LY86: variants seen among roughly 807,000 people sequenced by gnomAD.
The protein encoded by LY86 is lymphocyte antigen 86.
LY86 carries 20 observed loss-of-function variants against 17.3 expected under a neutral mutation model. The ratio of observed to expected loss-of-function variants is 1.15; its 90% CI spans 0.81 to 1.68. The LOEUF (loss-of-function observed/expected upper bound fraction) is 1.68, where lower values mean the gene tolerates loss of function less well. Among genes scored for constraint, LY86 ranks in the 40% most tolerant of loss-of-function variants. The probability of loss-of-function intolerance (pLI) is 0.00; values close to 1 mark genes in which losing one functional copy is unlikely to be tolerated. For synonymous variants in LY86, 74 were observed against 70.6 expected, an observed-to-expected ratio of 1.05 and a Z score of -0.24; for missense variants, 200 against 191.9, an observed-to-expected ratio of 1.04 and a Z score of -0.25.
chr6:6,618,069 C>T (rs1581244480), intron 1 of LY86, among the ~76,000 whole-genome samples: 1 of 152,096 alleles, frequency 6.6e-6, no homozygotes, highest in Non-Finnish European at 1.5e-5. Flanking sequence ...TTGAACTCCT[C>T]ACCTCAGGTG....
chr6:6,598,876 G>A (rs1163340658), intron 1 of LY86, among the ~76,000 whole-genome samples: 1 of 152,198 alleles, frequency 6.6e-6, no homozygotes, highest in Non-Finnish European at 1.5e-5. Flanking sequence ...ACAACACTTA[G>A]CTAGTTCATC....
At chr6:6,614,515 C>T (rs1478974888) in intron 1 of LY86, among the ~76,000 whole-genome samples, 1 of 152,096 alleles carries the variant, frequency 6.6e-6, no homozygotes, top group Admixed American at 6.5e-5. Flanking sequence ...TCTTGGCTCT[C>T]CCAGCCCCAC....
At chr6:6,650,314 T>C (rs1762167744) in intron 4 of LY86, among the ~76,000 whole-genome samples, 1 of 151,816 alleles carries the variant, frequency 6.6e-6, no homozygotes, top group South Asian at 2.1e-4. Flanking sequence ...GCAATAAATG[T>C]TCAATATGCT....
At chr6:6,634,641 C>T (rs1761937423) in intron 3 of LY86, among the ~76,000 whole-genome samples, 1 of 152,206 alleles carries the variant, frequency 6.6e-6, no homozygotes, top group Admixed American at 6.5e-5. Flanking sequence ...CTGGTTCATG[C>T]TGAACACTAG....
At chr6:6,594,153 A>G (rs1180969946) in intron 1 of LY86, among the ~76,000 whole-genome samples, 1 of 152,182 alleles carries the variant, frequency 6.6e-6, no homozygotes, top group Non-Finnish European at 1.5e-5. Context: ...TGCTCAAATG[A>G]CTTATGTCCC....
chr6:6,602,798 T>C lies in LY86; in HGVS notation c.136+13928T>C, dbSNP rs571482166. Among the ~76,000 whole-genome samples the C allele has an allele frequency of 3.2e-4, 48 of 152,296 alleles. 1 individual carries two copies. The highest frequency in any genetic ancestry group is 6.8e-3 in the Middle Eastern group (2 of 294). On this transcript the variant is annotated intron_variant, in intron 1 of 4. Coordinates refer to ENST00000230568, the MANE Select transcript of LY86 (RefSeq NM_004271.4). ...GAGCTGTTCCTGTAGGCATTAACTCTCAGCACTCCGACTTAACTGTGTATT... is the reference window on the plus strand; with the variant it reads ...GAGCTGTTCCTGTAGGCATTAACTCCCAGCACTCCGACTTAACTGTGTATT...
intron 3 of LY86, among the ~76,000 whole-genome samples, chr6:6,632,919 A>G (rs1761914687): frequency 6.6e-6 from 1 of 152,154 alleles, no homozygotes; most frequent in Admixed American, 6.5e-5. Context: ...AGCACCACAC[A>G]TGAGACACCC....
chr6:6,592,700 A>G (rs914527172), intron 1 of LY86, among the ~76,000 whole-genome samples: 13 of 151,756 alleles, frequency 8.6e-5, no homozygotes, highest in African/African-American at 3.2e-4. Flanking sequence ...GAGGCCAGAG[A>G]TCTCTTTTCA....
intron 1 of LY86, among the ~76,000 whole-genome samples, chr6:6,598,177 G>A (rs1344302767): frequency 2.6e-5 from 4 of 152,050 alleles, no homozygotes; most frequent in Admixed American, 6.6e-5. Context: ...GCAGACATAC[G>A]TACACTGGCC....
chr6:6,649,637 A>C lies in LY86; in HGVS notation c.365A>C (p.Tyr122Ser), dbSNP rs144342238. The C allele has an allele frequency of 1.3e-6, 2 of 1,571,820 alleles. No homozygotes were observed. The highest frequency in any genetic ancestry group is 8.7e-7 in the Non-Finnish European group (1 of 1,146,722). ...TATATTTTTTCAGAGCAGATTTACT[A>C]TGCTGGGCCTGTCAATAATCCTGAA... is the stretch of plus-strand genomic sequence containing the variant. ...CGRRKGEQIY[Y>S]AGPVNNPEFT... The change falls in exon 4 of 5, where the codon TAT (tyrosine) becomes TCT (serine). Residue 122 changes from tyrosine to serine, a missense_variant. By Grantham distance (144) the Tyr-to-Ser change is moderately radical. Transcript: ENST00000230568.
intron 1 of LY86, among the ~76,000 whole-genome samples, chr6:6,616,672 C>G (rs959011162): frequency 2.6e-5 from 4 of 152,254 alleles, no homozygotes; most frequent in Non-Finnish European, 1.5e-5. Flanking sequence ...TCATATTCCA[C>G]AACATCAGAT....
At chr6:6,608,846 G>A (rs960881957) in intron 1 of LY86, among the ~76,000 whole-genome samples, 1 of 152,226 alleles carries the variant, frequency 6.6e-6, no homozygotes, top group African/African-American at 2.4e-5. Context: ...GGCTGTGATT[G>A]TTCAACGGGT....
intron 1 of LY86, among the ~76,000 whole-genome samples, chr6:6,624,019 G>A (rs1364105839): frequency 6.6e-6 from 1 of 152,202 alleles, no homozygotes; most frequent in South Asian, 2.1e-4. Context: ...GGGCAGGGAA[G>A]CCTTCACAAA....
intron 1 of LY86, among the ~76,000 whole-genome samples, chr6:6,600,173 T>C (rs1327985916): frequency 2.6e-5 from 4 of 152,202 alleles, no homozygotes; most frequent in South Asian, 2.1e-4. Flanking sequence ...GGCATTTTCA[T>C]AGGGCAGTGA....
chr6:6,588,961 A>AGT (rs2113063257), intron 1 of LY86, 91 bp downstream of exon 1: 316 of 1,404,124 alleles, frequency 2.3e-4, no homozygotes, highest in East Asian at 5.5e-4. Flanking sequence ...TTGGGGTGGG[A>AGT]GGGGAGAGGG....
At chr6:6,633,972 T>C (rs3804482) in intron 3 of LY86, among the ~76,000 whole-genome samples, 50,283 of 151,994 alleles carry the variant, frequency 0.33, 8,413 homozygotes, top group Middle Eastern at 0.43. Flanking sequence ...GGAATCTTCT[T>C]TGAGACCTTG....
At chr6:6,604,289 T>C (rs543354558) in intron 1 of LY86, among the ~76,000 whole-genome samples, 3 of 152,104 alleles carry the variant, frequency 2.0e-5, no homozygotes, top group Admixed American at 6.5e-5. Flanking sequence ...CATCCAAAGA[T>C]ATTAGATTTT....
intron 1 of LY86, among the ~76,000 whole-genome samples, chr6:6,618,273 G>T (rs1181708226): frequency 6.6e-6 from 1 of 152,154 alleles, no homozygotes; most frequent in Non-Finnish European, 1.5e-5. Context: ...ATCTGTTATG[G>T]TCTCTCATGT....
intron 3 of LY86, among the ~76,000 whole-genome samples, chr6:6,648,326 A>G (rs527388751): frequency 6.6e-6 from 1 of 152,318 alleles, no homozygotes; most frequent in East Asian, 1.9e-4. Flanking sequence ...CTCTGGAATG[A>G]AATCTGAACT....
Sources: allele counts gnomAD v4.1 joint callset (sites outside exome capture counted in the v4.1 genomes callset), GRCh38; gene constraint gnomAD v4.1.1; transcripts MANE v1.5; gene names NCBI Gene and HGNC (gene_info 2026-07-23, HGNC 2026-07-21).